Variants in BHMT2 observed in about 807,000 individuals in gnomAD.
BHMT2 encodes betaine--homocysteine S-methyltransferase 2.
A neutral mutation model predicts 39.0 loss-of-function variants in BHMT2; 28 were observed. The ratio of observed to expected loss-of-function variants is 0.72; its 90% confidence interval spans 0.53 to 0.98. The LOEUF is 0.98. Among genes scored for constraint, BHMT2 ranks in the 50% least tolerant of loss-of-function variants. The probability of loss-of-function intolerance (pLI) is 0.00; values close to 1 mark genes in which losing one functional copy is unlikely to be tolerated. For missense variants in BHMT2, 410 were observed against 455.6 expected (o/e 0.90, Z 0.91); for synonymous variants, 145 against 160.6 (o/e 0.90, Z 0.74).
intron 1 of BHMT2, among the ~76,000 whole-genome samples, chr5:79,074,323 T>C (rs1030737162): frequency 5.3e-5 from 8 of 152,340 alleles, no homozygotes; most frequent in African/African-American, 1.9e-4. Context: ...ATTAAGAGAT[T>C]ATTCAAGCCA....
intron 2 of BHMT2, 175 bp downstream of exon 2, chr5:79,077,787 C>G (rs772793194): frequency 5.6e-5 from 31 of 554,650 alleles, no homozygotes; most frequent in Non-Finnish European, 8.7e-5. Flanking sequence ...AGAAAATGAC[C>G]TCTCTCTCTC....
At chr5:79,071,613 C>T (rs1561237628) in intron 1 of BHMT2, among the ~76,000 whole-genome samples, 1 of 151,974 alleles carries the variant, frequency 6.6e-6, no homozygotes, top group Non-Finnish European at 1.5e-5. Context: ...GACTTTAGAT[C>T]GTACTAGTAT....
intron 4 of BHMT2, 53 bp downstream of exon 4, chr5:79,080,931 C>A: frequency 6.9e-7 from 1 of 1,457,844 alleles, no homozygotes; most frequent in Non-Finnish European, 9.2e-7. Flanking sequence ...AGCATAACTG[C>A]AGAGTCTTCA....
In BHMT2 at chr5:79,083,668, A is replaced by T. The variant is rs777902589; in HGVS notation, c.822A>T (p.Lys274Asn). ...TTGCCACCAGATGGGATATTCAAAA[A>T]TACGCCAGAGAGGCCTACAACCTGG... ...SRVATRWDIQKYAREAYNLGV... is the reference protein window; with the variant it reads ...SRVATRWDIQNYAREAYNLGV... The change falls in exon 7 of 8, where the codon AAA (lysine) becomes AAT (asparagine). Residue 274 changes from lysine to asparagine, a missense_variant. Coordinates refer to ENST00000255192, the MANE Select transcript of BHMT2 (RefSeq NM_017614.5). 1 of 1,614,108 alleles carries T rather than the reference A, an allele frequency of 6.2e-7. No homozygotes were observed. The highest frequency in any genetic ancestry group is 1.7e-5 in the Admixed American group (1 of 60,024).
chr5:79,071,637 A>T (rs1173917258), intron 1 of BHMT2, among the ~76,000 whole-genome samples: 1 of 152,134 alleles, frequency 6.6e-6, no homozygotes, highest in Non-Finnish European at 1.5e-5. Flanking sequence ...GGTGAGGAAC[A>T]ACACACACTG....
intron 7 of BHMT2, among the ~76,000 whole-genome samples, chr5:79,087,288 T>C (rs1480894908): frequency 1.3e-5 from 2 of 151,850 alleles, no homozygotes; most frequent in Admixed American, 6.6e-5. Context: ...CTAGGAGATA[T>C]GGATATTTAC....
chr5:79,081,851 T>G (rs545767305), intron 4 of BHMT2, among the ~76,000 whole-genome samples: 1 of 152,032 alleles, frequency 6.6e-6, no homozygotes, highest in South Asian at 2.1e-4. Flanking sequence ...GACAGAGTGA[T>G]ACTCTGTCTC....
intron 1 of BHMT2, among the ~76,000 whole-genome samples, chr5:79,070,036 C>T (rs1200673232): frequency 6.6e-6 from 1 of 152,218 alleles, no homozygotes; most frequent in Non-Finnish European, 1.5e-5. Flanking sequence ...CTCAAGTTAT[C>T]TCCTCATCTT....
chr5:79,074,836 G>A (rs1463973319), intron 1 of BHMT2, among the ~76,000 whole-genome samples: 1 of 152,202 alleles, frequency 6.6e-6, no homozygotes, highest in Non-Finnish European at 1.5e-5. Flanking sequence ...CTCTCACGCA[G>A]GAAATGTAAA....
intron 1 of BHMT2, among the ~76,000 whole-genome samples, chr5:79,070,420 C>T (rs1015407103): frequency 6.6e-6 from 1 of 152,148 alleles, no homozygotes; most frequent in African/African-American, 2.4e-5. Context: ...TGGTCCCCAG[C>T]TCCTGGCCCC....
intron 7 of BHMT2, among the ~76,000 whole-genome samples, chr5:79,085,156 A>T (rs560514672): frequency 6.6e-6 from 1 of 152,356 alleles, no homozygotes; most frequent in Non-Finnish European, 1.5e-5. Flanking sequence ...ATCAGTGAAT[A>T]ACATTTACAA....
In BHMT2 at chr5:79,082,915, A is replaced by G. The variant is rs1755814365; in HGVS notation, c.557A>G (p.Asp186Gly). ...ATAGGCCCAGAGGGAGACATGCATG[A>G]TATAACCCCCGGAGAATGTGCTGTG... The part of the protein sequence containing the change: ...MCIGPEGDMH[D>G]ITPGECAVRL... Residue 186 changes from aspartate to glycine, a missense_variant, in exon 5 of 8, where the codon GAT (aspartate) becomes GGT (glycine). By Grantham distance (94) the Asp-to-Gly change is moderately conservative. Coordinates refer to ENST00000255192, the MANE Select transcript of BHMT2 (RefSeq NM_017614.5). 1 of 1,614,046 alleles carries G rather than the reference A, an allele frequency of 6.2e-7. No individual in the cohort carries two copies. Among genetic ancestry groups the G allele is most frequent in the South Asian group, 1.1e-5 (1 of 91,078 alleles).
At chr5:79,079,887 G>C (rs1327932948) in intron 3 of BHMT2, among the ~76,000 whole-genome samples, 1 of 151,970 alleles carries the variant, frequency 6.6e-6, no homozygotes, top group African/African-American at 2.4e-5. Flanking sequence ...AAGACCCCAT[G>C]TCAGCAAAAA....
At chr5:79,083,108 C>T in intron 5 of BHMT2, 84 bp from the exon 6 acceptor site, 1 of 1,581,566 alleles carries the variant, frequency 6.3e-7, no homozygotes, top group Non-Finnish European at 8.6e-7. Flanking sequence ...AGGGGAATGG[C>T]TAACCTCTAA....
At chr5:79,074,078 A>G (rs626105) in intron 1 of BHMT2, among the ~76,000 whole-genome samples, 110,085 of 152,092 alleles carry the variant, frequency 0.72, 40,531 homozygotes, top group Non-Finnish European at 0.79. Flanking sequence ...CCTGAAGCCA[A>G]CAGTTCAATA....
At chr5:79,083,553 A>G in intron 6 of BHMT2, 75 bp from the exon 7 acceptor site, 6 of 1,550,498 alleles carry the variant, frequency 3.9e-6, no homozygotes, top group Non-Finnish European at 5.2e-6. Context: ...TTTAATTGGA[A>G]AAACTGCTCA....
rs554758466 is a variant in BHMT2, at chr5:79,089,610, G to A, written c.*1036G>A. 7 of 152,204 alleles carry A rather than the reference G, an allele frequency of 4.6e-5. No individual in the cohort carries two copies. Among genetic ancestry groups the A allele is most frequent in the African/African-American group, 1.7e-4 (7 of 41,514 alleles). The allele number at this position is 152,204 out of a possible 1,614,324, so 9.4% of individuals were successfully genotyped here. A position where few individuals can be genotyped will look rare whatever the true frequency, so the allele number is the denominator to read the frequency against. On this transcript the variant is annotated 3_prime_UTR_variant, in exon 8 of 8. Transcript: ENST00000255192. The stretch of plus-strand genomic sequence containing the variant: ...TAGCATTGTGTTAGACATACTAATA[G>A]GTGCACAGTGAAATACTTATTGTTG...
At position 79,083,657 on chromosome 5, in the gene BHMT2, G is replaced by C. The variant is rs1332647731; in HGVS notation, c.811G>C (p.Asp271His). The change falls in exon 7 of 8, where the codon GAT (aspartate) becomes CAT (histidine). Residue 271 changes from aspartate to histidine, a missense_variant. By Grantham distance (81) the Asp-to-His change is moderately conservative. Coordinates refer to ENST00000255192, the MANE Select transcript of BHMT2 (RefSeq NM_017614.5). ...GGAGTCCAGAGTTGCCACCAGATGG[G>C]ATATTCAAAAATACGCCAGAGAGGC... is the stretch of plus-strand genomic sequence containing the variant. Reference protein sequence around the residue: ...GLESRVATRWDIQKYAREAYN... With the variant: ...GLESRVATRWHIQKYAREAYN... The C allele has an allele frequency of 6.2e-7, 1 of 1,613,890 alleles. No homozygotes were observed. Among genetic ancestry groups the C allele is most frequent in the Non-Finnish European group, 8.5e-7 (1 of 1,179,972 alleles).
chr5:79,076,075 A>C (rs1396005409), intron 1 of BHMT2, among the ~76,000 whole-genome samples: 1 of 149,586 alleles, frequency 6.7e-6, no homozygotes, highest in African/African-American at 2.6e-5. Flanking sequence ...ATTGGATCAC[A>C]CATGGGCTTG....
Sources: gnomAD v4.1 joint callset for allele counts (sites outside exome capture counted in the v4.1 genomes callset) on GRCh38, gnomAD v4.1.1 for gene constraint, MANE v1.5 for transcripts, NCBI Gene and HGNC (gene_info 2026-07-23, HGNC 2026-07-21) for gene names.